The following EYS variants were observed in gnomAD, a reference collection of about 807,000 sequenced individuals.
The protein encoded by EYS is EGF-like photoreceptor maintenance factor.
Under a neutral mutation model 282.1 loss-of-function variants are expected in EYS, and 250 were observed. That is an observed-to-expected ratio of 0.89 (90% confidence interval 0.80 to 0.98). The LOEUF is 0.98. EYS is among the 50% of genes least tolerant of loss of function. EYS has a pLI of 0.00. For missense variants in EYS, 4,016 were observed against 3,709.0 expected (o/e 1.08, Z -2.15); for synonymous variants, 1,355 against 1,282.9 (o/e 1.06, Z -1.20).
At chr6:64,926,626 A>G (rs1334309177) in intron 15 of EYS, among the ~76,000 whole-genome samples, 1 of 152,054 alleles carries the variant, frequency 6.6e-6, no homozygotes, top group African/African-American at 2.4e-5. Context: ...ATGAGTTGTT[A>G]CCTGCATTTT....
At chr6:64,225,696 T>C (rs905133912) in intron 31 of EYS, among the ~76,000 whole-genome samples, 6 of 152,124 alleles carry the variant, frequency 3.9e-5, no homozygotes, top group Admixed American at 1.3e-4. Context: ...GTCATAGTTA[T>C]AAGTATGAGA....
At chr6:64,486,927 A>G (rs1776593558) in intron 26 of EYS, among the ~76,000 whole-genome samples, 1 of 151,366 alleles carries the variant, frequency 6.6e-6, no homozygotes, top group African/African-American at 2.4e-5. Context: ...TATTTTTTAC[A>G]GTTAATACAC....
chr6:63,838,453 G>T (rs1771865795), intron 36 of EYS, among the ~76,000 whole-genome samples: 1 of 152,082 alleles, frequency 6.6e-6, no homozygotes, highest in Admixed American at 6.6e-5. Context: ...CTTCCCTAAG[G>T]GCTTCTCCAG....
intron 26 of EYS, among the ~76,000 whole-genome samples, chr6:64,551,492 C>A (rs1424336603): frequency 6.6e-6 from 1 of 151,436 alleles, no homozygotes; most frequent in Non-Finnish European, 1.5e-5. Context: ...ATTCTAAGCA[C>A]CCCCAATCAA....
intron 5 of EYS, among the ~76,000 whole-genome samples, chr6:65,487,087 G>A (rs1765810755): frequency 1.3e-5 from 2 of 152,066 alleles, no homozygotes; most frequent in South Asian, 4.1e-4. Context: ...CAGACAATGG[G>A]GTTTTCTAGA....
chr6:63,779,882 T>A lies in EYS; in HGVS notation c.7724-1702A>T, dbSNP rs1329039722. 3.9e-5 allele frequency among the ~76,000 whole-genome samples: 6 copies of A among 152,238 alleles called. No individual in the cohort carries two copies. The South Asian group carries it at 8.3e-4, about 21-fold the overall frequency. On this transcript the variant is annotated intron_variant, in intron 39 of 42. Transcript: ENST00000503581. The stretch of plus-strand genomic sequence containing the variant: ...CATTTACATTAGGTATTCCTCCTGA[T>A]GCTATCCCTCCGCACTCCCCCGACC...
chr6:64,421,131 A>G (rs1245570218), intron 28 of EYS, among the ~76,000 whole-genome samples: 1 of 152,132 alleles, frequency 6.6e-6, no homozygotes, highest in Non-Finnish European at 1.5e-5. Context: ...TAATTAACTC[A>G]CAGTTCAGCA....
intron 22 of EYS, among the ~76,000 whole-genome samples, chr6:64,656,928 G>T (rs1316534199): frequency 6.6e-6 from 1 of 152,174 alleles, no homozygotes; most frequent in Non-Finnish European, 1.5e-5. Flanking sequence ...ATGACAGAGT[G>T]AGCTAAGGTA....
chr6:63,825,923 G>A (rs193115279), intron 36 of EYS, among the ~76,000 whole-genome samples: 1 of 152,272 alleles, frequency 6.6e-6, no homozygotes, highest in Admixed American at 6.5e-5. Flanking sequence ...AAAGAATTCA[G>A]GAGGTTAGTT....
At chr6:64,741,151 G>T (rs1772358132) in intron 22 of EYS, among the ~76,000 whole-genome samples, 4 of 152,196 alleles carry the variant, frequency 2.6e-5, no homozygotes, top group Admixed American at 1.3e-4. Context: ...AATAATACTT[G>T]AAAGTCAAAA....
intron 31 of EYS, among the ~76,000 whole-genome samples, chr6:64,162,013 A>T (rs1033733438): frequency 6.6e-6 from 1 of 152,138 alleles, no homozygotes; most frequent in Non-Finnish European, 1.5e-5. Context: ...TAGGATAGGG[A>T]TAGGTTTAGG....
chr6:64,436,247 C>T lies in EYS; in HGVS notation c.5854G>A (p.Gly1952Ser), dbSNP rs1482937974. Reference sequence around the variant, plus strand: ...TTAATGCTTTTAAATTTTGCTTCACCAGGACAGTAAAAGTGGTACTGTTGG... The same window carrying T: ...TTAATGCTTTTAAATTTTGCTTCACTAGGACAGTAAAAGTGGTACTGTTGG... Reference protein sequence around the residue: ...GTLKYHFYCPGEAKFKSINTT... With the variant: ...GTLKYHFYCPSEAKFKSINTT... Residue 1952 changes from glycine (G) to serine (S), a missense_variant, in exon 28 of 43, where the codon GGT (glycine) becomes AGT (serine). Gly to Ser is a moderately conservative substitution (Grantham distance 56). Transcript: ENST00000503581. The T allele has an allele frequency of 1.3e-6, 2 of 1,540,694 alleles. No homozygotes were observed. The highest frequency in any genetic ancestry group is 1.4e-5 in the African/African-American group (1 of 72,672).
intron 33 of EYS, among the ~76,000 whole-genome samples, chr6:63,999,688 T>C (rs1428427538): frequency 6.6e-6 from 1 of 152,128 alleles, no homozygotes; most frequent in East Asian, 1.9e-4. Context: ...TTATCAGAAC[T>C]CAGAAAGCAT....
chr6:64,231,024 C>G (rs1275575618), intron 30 of EYS, among the ~76,000 whole-genome samples, 200 bp from the exon 31 acceptor site: 1 of 152,146 alleles, frequency 6.6e-6, no homozygotes, highest in African/African-American at 2.4e-5. Context: ...AGCCACATAA[C>G]ATGACCCTGT....
At chr6:64,653,930 C>T (rs7758836) in intron 22 of EYS, among the ~76,000 whole-genome samples, 96,711 of 151,414 alleles carry the variant, frequency 0.64, 31,073 homozygotes, top group African/African-American at 0.71. Flanking sequence ...TTGATAATCA[C>T]AAAAAGTAGA....
chr6:65,437,546 G>A (rs928865241), intron 5 of EYS, among the ~76,000 whole-genome samples: 2 of 152,082 alleles, frequency 1.3e-5, no homozygotes, highest in African/African-American at 4.8e-5. Flanking sequence ...TGATATTTAA[G>A]TACAGAACTT....
intron 22 of EYS, among the ~76,000 whole-genome samples, chr6:64,635,245 G>C (rs1339121895): frequency 6.6e-6 from 1 of 152,152 alleles, no homozygotes; most frequent in Non-Finnish European, 1.5e-5. Flanking sequence ...GGGTTTTCCA[G>C]ATACACAATC....
chr6:65,447,012 G>A (rs12203182), intron 5 of EYS, among the ~76,000 whole-genome samples: 27,995 of 151,322 alleles, frequency 0.19, 3,231 homozygotes, highest in Middle Eastern at 0.29. Context: ...TGATTGTATA[G>A]CCTATCTTAA....
chr6:63,735,941 T>C (rs1768900734), intron 41 of EYS, among the ~76,000 whole-genome samples: 1 of 152,136 alleles, frequency 6.6e-6, no homozygotes, highest in African/African-American at 2.4e-5. Flanking sequence ...AACCATGTAA[T>C]CTTTGTAGAA....
Sources: allele counts gnomAD v4.1 joint callset (sites outside exome capture counted in the v4.1 genomes callset), GRCh38; gene constraint gnomAD v4.1.1; transcripts MANE v1.5; gene names NCBI Gene and HGNC (gene_info 2026-07-23, HGNC 2026-07-21).